ADAMTSL1: variants seen among roughly 807,000 people sequenced by gnomAD.
ADAMTSL1 encodes ADAMTS-like protein 1.
ADAMTSL1 carries 126 observed loss-of-function variants against 201.8 expected under a neutral mutation model. That is an observed-to-expected ratio of 0.62 (90% confidence interval 0.54 to 0.72). ADAMTSL1 has a LOEUF of 0.72. Ranked by LOEUF, ADAMTSL1 falls within the 30% of genes least tolerant of loss-of-function variation. The pLI, the probability that ADAMTSL1 is intolerant of heterozygous loss-of-function variation, is 0.00. For missense variants in ADAMTSL1, 2,679 were observed against 2,277.8 expected (o/e 1.18, Z -3.59); for synonymous variants, 1,121 against 903.4 (o/e 1.24, Z -4.32).
chr9:18,091,089 G>C (rs1291994986), intron 1 of ADAMTSL1, among the ~76,000 whole-genome samples: 2 of 151,914 alleles, frequency 1.3e-5, no homozygotes, highest in Non-Finnish European at 2.9e-5. Context: ...GTGTGTGTGT[G>C]TGTGTGTACC....
chr9:18,892,259 C>T, intron 25 of ADAMTSL1, 130 bp from the exon 26 acceptor site: 1 of 838,624 alleles, frequency 1.2e-6, no homozygotes, highest in Non-Finnish European at 1.8e-6. Context: ...ATCATCTTTC[C>T]AAGTAAATAC....
chr9:18,743,113 T>A (rs985650034), intron 15 of ADAMTSL1, among the ~76,000 whole-genome samples: 22 of 152,206 alleles, frequency 1.4e-4, no homozygotes, highest in Admixed American at 3.9e-4. Flanking sequence ...TTTAATGTGC[T>A]ATCACTCAGA....
chr9:18,819,091 C>T (rs1237063963), intron 21 of ADAMTSL1, among the ~76,000 whole-genome samples: 1 of 152,056 alleles, frequency 6.6e-6, no homozygotes, highest in African/African-American at 2.4e-5. Flanking sequence ...CATGCTTTGG[C>T]GATGAAACAC....
chr9:18,555,541 C>T (rs535948761), intron 3 of ADAMTSL1, among the ~76,000 whole-genome samples: 12 of 151,916 alleles, frequency 7.9e-5, no homozygotes, highest in South Asian at 2.1e-4. Flanking sequence ...CAGGCTTGGA[C>T]GAGGCCCTTG....
At chr9:18,492,286 A>T (rs1465748282) in intron 1 of ADAMTSL1, among the ~76,000 whole-genome samples, 1 of 152,198 alleles carries the variant, frequency 6.6e-6, no homozygotes, top group African/African-American at 2.4e-5. Context: ...AAACTGAAAA[A>T]CATCAAATAA....
chr9:18,622,019 CTTCT>C (rs1826065838), intron 4 of ADAMTSL1, among the ~76,000 whole-genome samples: 1 of 152,092 alleles, frequency 6.6e-6, no homozygotes, highest in African/African-American at 2.4e-5. Flanking sequence ...TTCTTTTACC[CTTCT>C]TTCTATTTGT....
At chr9:18,679,493 A>G (rs570584845) in intron 10 of ADAMTSL1, among the ~76,000 whole-genome samples, 17 of 103,598 alleles carry the variant, frequency 1.6e-4, no homozygotes, top group Admixed American at 2.6e-4. Flanking sequence ...TAAAGCTCTG[A>G]AAAAAAAAAT....
intron 1 of ADAMTSL1, among the ~76,000 whole-genome samples, chr9:17,961,941 C>G (rs1244815678): frequency 6.6e-6 from 1 of 152,118 alleles, no homozygotes; most frequent in Non-Finnish European, 1.5e-5. Flanking sequence ...TCATCTCATC[C>G]AAAAACATAG....
chr9:18,461,858 G>A (rs1221736974), intron 2 of ADAMTSL1, among the ~76,000 whole-genome samples: 1 of 152,084 alleles, frequency 6.6e-6, no homozygotes, highest in Non-Finnish European at 1.5e-5. Flanking sequence ...GGGGAGATTG[G>A]TTCCAGGACA....
chr9:17,940,724 AAAAG>A (rs1395244209), intron 1 of ADAMTSL1, among the ~76,000 whole-genome samples: 8 of 140,194 alleles, frequency 5.7e-5, no homozygotes, highest in African/African-American at 2.1e-4. Context: ...AAAAAAAAAA[AAAAG>A]AAAAAAAAGA....
At chr9:18,351,761 C>A (rs1835974234) in intron 2 of ADAMTSL1, among the ~76,000 whole-genome samples, 2 of 152,136 alleles carry the variant, frequency 1.3e-5, no homozygotes, top group South Asian at 4.1e-4. Context: ...ATTTATTGCC[C>A]TTTAAAAATA....
At chr9:18,791,749 T>A (rs1243729237) in intron 19 of ADAMTSL1, among the ~76,000 whole-genome samples, 1 of 152,240 alleles carries the variant, frequency 6.6e-6, no homozygotes, top group African/African-American at 2.4e-5. Context: ...TTTCTCTATC[T>A]ATGTATATAG....
intron 2 of ADAMTSL1, among the ~76,000 whole-genome samples, chr9:18,380,232 G>A (rs1273749751): frequency 6.6e-6 from 1 of 152,110 alleles, no homozygotes; most frequent in Non-Finnish European, 1.5e-5. Flanking sequence ...AGAAATTAGA[G>A]TATGGGGGAA....
chr9:18,523,000 C>G (rs1193979034), intron 2 of ADAMTSL1, among the ~76,000 whole-genome samples: 1 of 152,130 alleles, frequency 6.6e-6, no homozygotes, highest in Non-Finnish European at 1.5e-5. Context: ...GTTCTAGATC[C>G]TTGAGGAATC....
intron 2 of ADAMTSL1, among the ~76,000 whole-genome samples, chr9:18,361,682 A>G (rs1337872212): frequency 6.6e-6 from 1 of 152,134 alleles, no homozygotes; most frequent in East Asian, 1.9e-4. Context: ...ACACCACACT[A>G]ATTTAGTTTT....
intron 2 of ADAMTSL1, among the ~76,000 whole-genome samples, chr9:18,530,612 A>C (rs1021456140): frequency 3.9e-5 from 6 of 152,074 alleles, no homozygotes; most frequent in African/African-American, 1.4e-4. Flanking sequence ...GCCTTTGCTT[A>C]GTTTCTTCTC....
chr9:18,345,353 T>C (rs1835667665), intron 2 of ADAMTSL1, among the ~76,000 whole-genome samples: 1 of 152,202 alleles, frequency 6.6e-6, no homozygotes, highest in African/African-American at 2.4e-5. Context: ...TTCTTAGAGT[T>C]GTTTCTAAGA....
Position 18,577,210 on chromosome 9 carries a change from G to A in ADAMTSL1, c.474+2944G>A, listed in dbSNP as rs1022259810. 4.6e-4 allele frequency among the ~76,000 whole-genome samples: 70 copies of A among 152,296 alleles called. 1 individual carries two copies. Among genetic ancestry groups the A allele is most frequent in the African/African-American group, 1.6e-3 (68 of 41,568 alleles). On this transcript the variant is annotated intron_variant, in intron 4 of 28. Coordinates refer to ENST00000380548, the MANE Select transcript of ADAMTSL1 (RefSeq NM_001040272.6). ...GTCAAAAGACATGAGTTGGGGCCAG[G>A]CACGGTGTCTCATGCCTGTAATCTG...
intron 1 of ADAMTSL1, among the ~76,000 whole-genome samples, chr9:18,007,274 A>AT (rs1293748496): frequency 6.6e-6 from 1 of 152,056 alleles, no homozygotes; most frequent in East Asian, 1.9e-4. Context: ...GCTGCTCTTG[A>AT]TGTTTCTCTC....
Sources: gnomAD v4.1 joint callset for allele counts (sites outside exome capture counted in the v4.1 genomes callset) on GRCh38, gnomAD v4.1.1 for gene constraint, MANE v1.5 for transcripts, NCBI Gene and HGNC (gene_info 2026-07-23, HGNC 2026-07-21) for gene names.